The following ARHGAP32 variants were observed in gnomAD, a reference collection of about 807,000 sequenced individuals.
ARHGAP32 encodes rho GTPase-activating protein 32.
In ARHGAP32, 51 loss-of-function variants were observed where a neutral mutation model predicts 186.5. That is an observed-to-expected ratio of 0.27 (90% CI 0.22 to 0.35). The LOEUF (loss-of-function observed/expected upper bound fraction) is 0.35. ARHGAP32 is among the 10% of genes least tolerant of loss of function. ARHGAP32 has a pLI of 1.00. For missense variants in ARHGAP32, 2,186 were observed against 2,623.5 expected (o/e 0.83, Z 3.64); for synonymous variants, 950 against 964.3 (o/e 0.99, Z 0.27).
upstream of ARHGAP32, among the ~76,000 whole-genome samples, chr11:129,193,649 TAC>T (rs1413513105): frequency 4.5e-3 from 320 of 70,584 alleles, no homozygotes; most frequent in Middle Eastern, 9.8e-3. Flanking sequence ...TGTTATATAA[TAC>T]ATATACAATA....
intron 19 of ARHGAP32, among the ~76,000 whole-genome samples, chr11:128,977,573 C>T (rs1945581517): frequency 6.6e-6 from 1 of 152,138 alleles, no homozygotes; most frequent in African/African-American, 2.4e-5. Flanking sequence ...TTAGGTGAAT[C>T]CCTACTTCTC....
At chr11:129,254,574 G>C (rs1277300279) in intron 1 of ARHGAP32, among the ~76,000 whole-genome samples, 1 of 152,122 alleles carries the variant, frequency 6.6e-6, no homozygotes, top group African/African-American at 2.4e-5. Context: ...TCAATATCAA[G>C]TTGGTACTAA....
intron 1 of ARHGAP32, among the ~76,000 whole-genome samples, chr11:129,208,385 T>G (rs1351800629): frequency 6.6e-6 from 1 of 152,140 alleles, no homozygotes; most frequent in African/African-American, 2.4e-5. Flanking sequence ...AGCCTGGGCG[T>G]CCAGCATGTT....
intron 1 of ARHGAP32, among the ~76,000 whole-genome samples, chr11:129,225,815 T>C (rs1257550771): frequency 6.6e-6 from 1 of 152,094 alleles, no homozygotes; most frequent in African/African-American, 2.4e-5. Context: ...ATTAGACAAA[T>C]ATTTTAAATC....
At chr11:128,973,976 G>C in intron 21 of ARHGAP32, 148 bp downstream of exon 21, 1 of 930,360 alleles carries the variant, frequency 1.1e-6, no homozygotes, top group Non-Finnish European at 1.6e-6. Flanking sequence ...TTAATTTAGG[G>C]CTCTGAGCCA....
chr11:129,163,031 T>C (rs1943562573), intron 2 of ARHGAP32, among the ~76,000 whole-genome samples: 1 of 152,202 alleles, frequency 6.6e-6, no homozygotes, highest in African/African-American at 2.4e-5. Flanking sequence ...AACTGAGAAC[T>C]TCCACCTAAT....
At chr11:129,026,440 G>A (rs540059852) in intron 11 of ARHGAP32, among the ~76,000 whole-genome samples, 6 of 152,060 alleles carry the variant, frequency 3.9e-5, no homozygotes, top group Admixed American at 6.6e-5. Flanking sequence ...ATGGGTGGGA[G>A]AGGCAAAAGG....
In ARHGAP32 at chr11:128,968,192, C is replaced by T. The variant is rs372969028; in HGVS notation, c.*715G>A. 31 of 152,082 alleles carry T rather than the reference C, an allele frequency of 2.0e-4. No individual in the cohort carries two copies. The East Asian group carries it at 5.4e-3, about 26-fold the overall frequency. The allele number at this position is 152,082 out of a possible 1,614,324, so 9.4% of individuals were successfully genotyped here. On this transcript the variant is annotated 3_prime_UTR_variant, in exon 23 of 23. Coordinates refer to ENST00000682385, the MANE Select transcript of ARHGAP32 (RefSeq NM_001378024.1). Reference sequence around the variant, plus strand: ...AAAGTCCATTCTGTCATGATATGAGCCTGTTCACTGAACCGTGAGGAACAA... The same window carrying T: ...AAAGTCCATTCTGTCATGATATGAGTCTGTTCACTGAACCGTGAGGAACAA...
chr11:129,166,297 G>A (rs1214270285), intron 1 of ARHGAP32, among the ~76,000 whole-genome samples: 4 of 152,026 alleles, frequency 2.6e-5, no homozygotes, highest in African/African-American at 9.7e-5. Context: ...TGATGACAGA[G>A]ATAAGGGAGA....
chr11:129,190,067 G>GT (rs1201994800), intron 1 of ARHGAP32, among the ~76,000 whole-genome samples: 1 of 152,226 alleles, frequency 6.6e-6, no homozygotes, highest in African/African-American at 2.4e-5. Context: ...GATGTCACAT[G>GT]TATTTGCAGA....
chr11:128,970,336 T>C lies in ARHGAP32; in HGVS notation c.4877A>G (p.Tyr1626Cys). 6.2e-7 allele frequency: 1 copy of C among 1,614,106 alleles called. No individual in the cohort carries two copies. The highest frequency in any genetic ancestry group is 2.2e-5 in the East Asian group (1 of 44,886). Residue 1626 changes from tyrosine (Y) to cysteine (C), a missense_variant, in exon 23 of 23, where the codon TAC (tyrosine) becomes TGC (cysteine). Coordinates refer to ENST00000682385, the MANE Select transcript of ARHGAP32 (RefSeq NM_001378024.1). This position sits in a 1 kb window ranked among gnomAD's most constrained non-coding sequence, Gnocchi z 5.8. ...ATATTGGTACAGAGGTCTTGGGCAG[T>C]AGGCTGGCTCATCATCTGGGGGAAC... ...TEVPPDDEPAYCPRPLYQYKP... is the reference protein window; with the variant it reads ...TEVPPDDEPACCPRPLYQYKP...
intron 6 of ARHGAP32, among the ~76,000 whole-genome samples, chr11:129,073,097 T>G (rs975265699): frequency 2.6e-5 from 4 of 152,080 alleles, no homozygotes; most frequent in Non-Finnish European, 5.9e-5. Flanking sequence ...TGAGACCTAA[T>G]CACAGGATTA....
At chr11:129,186,029 A>T (rs999625317) in intron 1 of ARHGAP32, among the ~76,000 whole-genome samples, 3 of 151,300 alleles carry the variant, frequency 2.0e-5, no homozygotes, top group African/African-American at 2.4e-5. Context: ...TATTTAATTT[A>T]AAAAAAAAGA....
At chr11:129,036,380 C>CAAAAAAAAAAAAAAAAAAAAAAA (rs58678377) in intron 11 of ARHGAP32, among the ~76,000 whole-genome samples, 1 of 98,698 alleles carries the variant, frequency 1.0e-5, no homozygotes. Flanking sequence ...AACTCCGTCT[C>CAAAAAAAAAAAAAAAAAAAAAAA]AAAAAAAAAA....
intron 2 of ARHGAP32, among the ~76,000 whole-genome samples, chr11:129,130,739 G>A (rs1942790865): frequency 6.6e-6 from 1 of 152,108 alleles, no homozygotes; most frequent in Admixed American, 6.5e-5. Flanking sequence ...TGCATTGGTG[G>A]TTAGAGTATA....
chr11:129,041,296 C>T (rs668673), intron 10 of ARHGAP32, among the ~76,000 whole-genome samples: 1 of 151,840 alleles, frequency 6.6e-6, no homozygotes, highest in Non-Finnish European at 1.5e-5. Flanking sequence ...AATATTTAGT[C>T]TGACAATGAG....
intron 18 of ARHGAP32, among the ~76,000 whole-genome samples, chr11:128,979,279 G>A (rs1945642805): frequency 6.6e-6 from 1 of 152,136 alleles, no homozygotes; most frequent in East Asian, 1.9e-4. Flanking sequence ...TTAGGTGTGA[G>A]TAGAGAATAA....
intron 1 of ARHGAP32, among the ~76,000 whole-genome samples, chr11:129,188,264 T>C (rs1250223900): frequency 6.6e-6 from 1 of 152,138 alleles, no homozygotes; most frequent in Non-Finnish European, 1.5e-5. Flanking sequence ...CCTCAGTTAA[T>C]TGTTAATACT....
chr11:129,071,854 A>G (rs1185962781), intron 6 of ARHGAP32, among the ~76,000 whole-genome samples: 1 of 152,210 alleles, frequency 6.6e-6, no homozygotes, highest in African/African-American at 2.4e-5. Flanking sequence ...CAAATGTGGT[A>G]TACGTACACA....
Sources: gnomAD v4.1 joint callset for allele counts (sites outside exome capture counted in the v4.1 genomes callset) on GRCh38, gnomAD v4.1.1 for gene constraint, Gnocchi (gnomAD v3.1) non-coding constraint, MANE v1.5 for transcripts, NCBI Gene and HGNC (gene_info 2026-07-23, HGNC 2026-07-21) for gene names.